PCDH15: variants seen among roughly 807,000 people sequenced by gnomAD.
PCDH15 encodes the protein protocadherin-15.
Under a neutral mutation model 178.5 loss-of-function variants are expected in PCDH15, and 129 were observed. That is an observed-to-expected ratio of 0.72 (90% confidence interval 0.63 to 0.84). The LOEUF (loss-of-function observed/expected upper bound fraction) is 0.84, where lower values mean the gene tolerates loss of function less well. Ranked by LOEUF, PCDH15 falls within the 40% of genes least tolerant of loss-of-function variation. The pLI is 0.00. For synonymous variants in PCDH15, 800 were observed against 732.0 expected (o/e 1.09, Z -1.50); for missense variants, 2,230 against 2,099.9 (o/e 1.06, Z -1.21).
At chr10:55,022,970 C>T (rs904835883) in intron 2 of PCDH15, among the ~76,000 whole-genome samples, 2 of 151,888 alleles carry the variant, frequency 1.3e-5, no homozygotes, top group Non-Finnish European at 2.9e-5. Context: ...GATAAGGAGT[C>T]TTGCTCTGTC....
intron 21 of PCDH15, among the ~76,000 whole-genome samples, chr10:53,978,351 T>C (rs747223081): frequency 2.6e-5 from 4 of 152,168 alleles, no homozygotes; most frequent in Non-Finnish European, 5.9e-5. Context: ...GGAAGCTGCC[T>C]AGGATTGAGA....
intron 3 of PCDH15, among the ~76,000 whole-genome samples, chr10:54,461,687 G>A (rs1376308577): frequency 6.6e-6 from 1 of 151,972 alleles, no homozygotes; most frequent in African/African-American, 2.4e-5. Flanking sequence ...TCAACTACCT[G>A]TGCACATATT....
intron 2 of PCDH15, among the ~76,000 whole-genome samples, chr10:54,989,203 A>G: frequency 6.6e-6 from 1 of 152,182 alleles, no homozygotes. Context: ...GCCCAGGCAG[A>G]AGTTTGCTGC....
At chr10:55,370,104 C>T (rs1845466865) in intron 2 of PCDH15, among the ~76,000 whole-genome samples, 1 of 151,984 alleles carries the variant, frequency 6.6e-6, no homozygotes, top group Admixed American at 6.6e-5. Context: ...ACCAAAGAAC[C>T]TCAAAAATCT....
intron 8 of PCDH15, among the ~76,000 whole-genome samples, chr10:54,295,746 A>T (rs58689380): frequency 0.21 from 32,438 of 151,978 alleles, 3,512 homozygotes; most frequent in Admixed American, 0.24. Flanking sequence ...CCACGAAGGG[A>T]TAATCACCAA....
At chr10:55,276,962 C>T (rs1334169366) in intron 1 of PCDH15, among the ~76,000 whole-genome samples, 3 of 151,888 alleles carry the variant, frequency 2.0e-5, no homozygotes, top group Non-Finnish European at 4.4e-5. Context: ...TCAGTATGAT[C>T]GTTGGTCTTT....
intron 10 of PCDH15, among the ~76,000 whole-genome samples, chr10:54,209,364 T>C (rs1229591553): frequency 6.6e-6 from 1 of 152,014 alleles, no homozygotes; most frequent in Non-Finnish European, 1.5e-5. Context: ...TTGTGTAAGA[T>C]CATGGGCCAA....
intron 7 of PCDH15, among the ~76,000 whole-genome samples, chr10:54,321,459 G>A (rs1360650501): frequency 6.6e-6 from 1 of 151,352 alleles, no homozygotes; most frequent in Non-Finnish European, 1.5e-5. Flanking sequence ...AATGTAGCAT[G>A]CAGATATAAA....
intron 3 of PCDH15, among the ~76,000 whole-genome samples, chr10:54,873,760 GTGTGTGTGTGTGT>G (rs1417721539): frequency 6.9e-6 from 1 of 144,214 alleles, no homozygotes; most frequent in Non-Finnish European, 1.5e-5. Context: ...ATACATATAC[GTGTGTGTGTGTGT>G]TGTGTGTGTG....
At chr10:54,549,369 T>A (rs903437032) in intron 2 of PCDH15, among the ~76,000 whole-genome samples, 2 of 151,958 alleles carry the variant, frequency 1.3e-5, no homozygotes, top group Admixed American at 1.3e-4. Flanking sequence ...TTTATATTAG[T>A]GGTAATTTAG....
At chr10:54,395,567 A>C (rs574008280) in intron 3 of PCDH15, among the ~76,000 whole-genome samples, 1 of 152,046 alleles carries the variant, frequency 6.6e-6, no homozygotes, top group Non-Finnish European at 1.5e-5. Flanking sequence ...AATACGCAAA[A>C]AATGGATTTT....
At chr10:54,010,086 T>C (rs2092526018) in intron 20 of PCDH15, among the ~76,000 whole-genome samples, 1 of 152,100 alleles carries the variant, frequency 6.6e-6, no homozygotes, top group Admixed American at 6.5e-5. Flanking sequence ...AGTTCCTGGG[T>C]CGGGAGCAGC....
At chr10:54,411,168 G>A (rs1953451226) in intron 3 of PCDH15, among the ~76,000 whole-genome samples, 1 of 151,950 alleles carries the variant, frequency 6.6e-6, no homozygotes, top group Admixed American at 6.6e-5. Context: ...GTGGGTGGTG[G>A]GACATTAAGA....
At chr10:54,107,658 T>TG (rs2094941048) in intron 15 of PCDH15, among the ~76,000 whole-genome samples, 1 of 151,992 alleles carries the variant, frequency 6.6e-6, no homozygotes, top group Non-Finnish European at 1.5e-5. Context: ...GCCCATGAAG[T>TG]GGGGGACAGC....
intron 20 of PCDH15, among the ~76,000 whole-genome samples, chr10:53,996,204 A>G (rs1336498442): frequency 9.2e-6 from 1 of 108,740 alleles, no homozygotes; most frequent in Non-Finnish European, 1.9e-5. Flanking sequence ...TATACTTAGC[A>G]TAATACTGAC....
chr10:53,846,021 T>TACACACACACAC (rs1232851382), intron 28 of PCDH15, among the ~76,000 whole-genome samples: 2 of 93,946 alleles, frequency 2.1e-5, no homozygotes, highest in East Asian at 1.2e-3. Flanking sequence ...AGTGTATGTG[T>TACACACACACAC]ATACACACAC....
chr10:54,228,613 G>T (rs74761029), intron 9 of PCDH15, among the ~76,000 whole-genome samples: 249 of 152,252 alleles, frequency 1.6e-3, no homozygotes, highest in African/African-American at 5.2e-3. Flanking sequence ...GGAGTCATTG[G>T]TATAAGTCTC....
At chr10:54,337,371 C>G (rs992073777) in intron 6 of PCDH15, among the ~76,000 whole-genome samples, 5 of 151,810 alleles carry the variant, frequency 3.3e-5, no homozygotes, top group African/African-American at 1.2e-4. Flanking sequence ...GGCTGAATCC[C>G]CACCCAAATC....
At chr10:54,649,512 T>A (rs1021840255) in intron 2 of PCDH15, among the ~76,000 whole-genome samples, 3 of 152,106 alleles carry the variant, frequency 2.0e-5, no homozygotes, top group Non-Finnish European at 4.4e-5. Flanking sequence ...AAACATTATC[T>A]ATGCCTAAGC....
Sources: allele counts gnomAD v4.1 joint callset (sites outside exome capture counted in the v4.1 genomes callset), GRCh38; gene constraint gnomAD v4.1.1; transcripts MANE v1.5; gene names NCBI Gene and HGNC (gene_info 2026-07-23, HGNC 2026-07-21).